The following KCNJ6 variants were observed in gnomAD, a reference collection of about 807,000 sequenced individuals.
The protein encoded by KCNJ6 is G protein-activated inward rectifier potassium channel 2.
In KCNJ6, 9 loss-of-function variants were observed where a neutral mutation model predicts 34.2. The observed-to-expected ratio is 0.26, with a 90% CI of 0.16 to 0.46. KCNJ6 has a LOEUF of 0.46. KCNJ6 is among the 20% of genes least tolerant of loss of function. The pLI, the probability that KCNJ6 is intolerant of heterozygous loss-of-function variation, is 1.00. For synonymous variants in KCNJ6, 196 were observed against 207.1 expected (o/e 0.95, Z 0.46); for missense variants, 236 against 531.3 (o/e 0.44, Z 5.46).
At chr21:37,866,098 G>A (rs1384498113) in intron 1 of KCNJ6, among the ~76,000 whole-genome samples, 1 of 152,168 alleles carries the variant, frequency 6.6e-6, no homozygotes, top group Admixed American at 6.5e-5. Flanking sequence ...TAATCTGAGT[G>A]GGCCTGACTC....
At chr21:37,821,143 G>A (rs1462558849) in intron 2 of KCNJ6, among the ~76,000 whole-genome samples, 2 of 152,188 alleles carry the variant, frequency 1.3e-5, no homozygotes, top group African/African-American at 4.8e-5. Context: ...TTGTGAAGGT[G>A]TGACTAAATT....
intron 1 of KCNJ6, among the ~76,000 whole-genome samples, chr21:37,898,171 G>A (rs1179328236): frequency 2.0e-5 from 3 of 152,198 alleles, no homozygotes; most frequent in Non-Finnish European, 2.9e-5. Context: ...GGTTGCTGAC[G>A]CTAGCCTGGC....
At chr21:37,649,132 CAAAAAAA>C (rs1169306298) in intron 3 of KCNJ6, among the ~76,000 whole-genome samples, 3 of 40,034 alleles carry the variant, frequency 7.5e-5, no homozygotes, top group South Asian at 1.2e-3. Context: ...GACTCCATCT[CAAAAAAA>C]AAAAAAAAAA....
At chr21:37,676,813 G>A (rs1168201475) in intron 3 of KCNJ6, among the ~76,000 whole-genome samples, 1 of 152,244 alleles carries the variant, frequency 6.6e-6, no homozygotes, top group African/African-American at 2.4e-5. Context: ...GATGGCCCCT[G>A]CAACAGAGAG....
At chr21:37,894,402 C>A (rs535098277) in intron 1 of KCNJ6, among the ~76,000 whole-genome samples, 1 of 152,174 alleles carries the variant, frequency 6.6e-6, no homozygotes, top group Non-Finnish European at 1.5e-5. Flanking sequence ...TGGTGGCTCA[C>A]GCCTGTAATC....
intron 2 of KCNJ6, among the ~76,000 whole-genome samples, chr21:37,765,874 A>G (rs1282819897): frequency 6.6e-6 from 1 of 152,256 alleles, no homozygotes; most frequent in African/African-American, 2.4e-5. Flanking sequence ...ATTCTGTAAG[A>G]ATCAATTGGC....
At chr21:37,883,612 G>A (rs1397548940) in intron 1 of KCNJ6, among the ~76,000 whole-genome samples, 1 of 152,174 alleles carries the variant, frequency 6.6e-6, no homozygotes, top group Non-Finnish European at 1.5e-5. Context: ...TTATGTAAAT[G>A]CATTTGAAGT....
At chr21:37,768,611 G>A (rs2055102487) in intron 2 of KCNJ6, among the ~76,000 whole-genome samples, 1 of 152,172 alleles carries the variant, frequency 6.6e-6, no homozygotes, top group South Asian at 2.1e-4. Flanking sequence ...TCTTTACCAT[G>A]TACAAGAGGT....
At chr21:37,809,182 A>AAG (rs2055308743) in intron 2 of KCNJ6, among the ~76,000 whole-genome samples, 1 of 152,224 alleles carries the variant, frequency 6.6e-6, no homozygotes, top group Admixed American at 6.5e-5. Context: ...ACCCCATGGA[A>AAG]TACTATGCAG....
chr21:37,659,004 A>G (rs1472838540), intron 3 of KCNJ6, among the ~76,000 whole-genome samples: 2 of 152,256 alleles, frequency 1.3e-5, no homozygotes, highest in Admixed American at 1.3e-4. Context: ...CAAGTTGGGA[A>G]CACTCCTAAC....
At chr21:37,786,286 G>C (rs2055192180) in intron 2 of KCNJ6, among the ~76,000 whole-genome samples, 1 of 152,222 alleles carries the variant, frequency 6.6e-6, no homozygotes, top group South Asian at 2.1e-4. Context: ...TTGGGGCAGA[G>C]GGTATTCTAG....
At chr21:37,754,311 A>G (rs2055012642) in intron 2 of KCNJ6, among the ~76,000 whole-genome samples, 1 of 152,200 alleles carries the variant, frequency 6.6e-6, no homozygotes, top group Admixed American at 6.5e-5. Flanking sequence ...GCTTGAGCAA[A>G]ATGCAACCGA....
chr21:37,801,224 G>T (rs181875271), intron 2 of KCNJ6, among the ~76,000 whole-genome samples: 1 of 152,090 alleles, frequency 6.6e-6, no homozygotes, highest in Non-Finnish European at 1.5e-5. Flanking sequence ...AAACAGCCCC[G>T]ATTTTTGGCT....
chr21:37,872,657 T>C (rs569241833), intron 1 of KCNJ6, among the ~76,000 whole-genome samples: 56 of 152,348 alleles, frequency 3.7e-4, no homozygotes, highest in African/African-American at 1.3e-3. Flanking sequence ...TATGTATCAG[T>C]CTTCTGTGAG....
At chr21:37,648,105 A>T (rs2054414077) in intron 3 of KCNJ6, among the ~76,000 whole-genome samples, 1 of 152,150 alleles carries the variant, frequency 6.6e-6, no homozygotes, top group Admixed American at 6.6e-5. Flanking sequence ...CCCTCATCAG[A>T]CAGCCCAGGG....
chr21:37,744,323 TA>T (rs1008943087), intron 2 of KCNJ6, among the ~76,000 whole-genome samples: 17 of 151,468 alleles, frequency 1.1e-4, no homozygotes, highest in African/African-American at 4.1e-4. Flanking sequence ...AATAATAAAA[TA>T]AAAAAAATGG....
At chr21:37,746,587 A>C (rs73408745) in intron 2 of KCNJ6, among the ~76,000 whole-genome samples, 1 of 152,102 alleles carries the variant, frequency 6.6e-6, no homozygotes, top group African/African-American at 2.4e-5. Context: ...AGGGTGTTTG[A>C]CCTCTAAAGC....
chr21:37,767,610 C>A (rs139741958), intron 2 of KCNJ6, among the ~76,000 whole-genome samples: 1 of 152,032 alleles, frequency 6.6e-6, no homozygotes, highest in Admixed American at 6.5e-5. Context: ...GTCAATACTG[C>A]GGAAGCTGAG....
rs867202700 is a variant in KCNJ6, at chr21:37,611,855, C to T, written c.*13304G>A. On this transcript the variant is annotated 3_prime_UTR_variant, in exon 4 of 4. Transcript: ENST00000609713. The stretch of plus-strand genomic sequence containing the variant: ...TGATAAACAATATCTAAAAAAAAAA[C>T]CTTACAGCTAACATCATACTAAATG... 5 of 151,542 alleles carry T rather than the reference C, an allele frequency of 3.3e-5. No homozygotes were observed. Among genetic ancestry groups the T allele is most frequent in the African/African-American group, 9.7e-5 (4 of 41,234 alleles). 9.4% of individuals were successfully genotyped at this position (151,542 alleles called of 1,614,324 possible).
Sources: gnomAD v4.1 joint callset for allele counts (sites outside exome capture counted in the v4.1 genomes callset) on GRCh38, gnomAD v4.1.1 for gene constraint, MANE v1.5 for transcripts, NCBI Gene and HGNC (gene_info 2026-07-23, HGNC 2026-07-21) for gene names.